C2CD3: variants seen among roughly 807,000 people sequenced by gnomAD.
C2CD3 encodes the protein C2 domain-containing protein 3.
Under a neutral mutation model 234.0 loss-of-function variants are expected in C2CD3, and 148 were observed. That is an observed-to-expected ratio of 0.63 (90% CI 0.55 to 0.72). The LOEUF (loss-of-function observed/expected upper bound fraction) is 0.72. Among genes scored for constraint, C2CD3 ranks in the 30% least tolerant of loss-of-function variants. The pLI is 0.00. For synonymous variants in C2CD3, 1,000 were observed against 1,035.4 expected (o/e 0.97, Z 0.66); for missense variants, 2,577 against 2,811.5 (o/e 0.92, Z 1.89).
chr11:74,165,872 C>T (rs560975915), intron 2 of C2CD3, among the ~76,000 whole-genome samples: 2 of 152,146 alleles, frequency 1.3e-5, no homozygotes, highest in South Asian at 4.1e-4. Flanking sequence ...CATGTGGAAT[C>T]TAATTTTTTT....
At chr11:74,036,435 T>A in intron 30 of C2CD3, 1 of 456,026 alleles carries the variant, frequency 2.2e-6, no homozygotes, top group South Asian at 1.5e-5. Context: ...CAAGTGGAAG[T>A]CAAACACAGA....
intron 7 of C2CD3, among the ~76,000 whole-genome samples, chr11:74,130,479 C>G (rs1208800853): frequency 6.6e-6 from 1 of 152,140 alleles, no homozygotes; most frequent in African/African-American, 2.4e-5. Flanking sequence ...AATGACCCTA[C>G]TGCCTCAGCC....
At chr11:74,104,519 G>C (rs1162345242) in intron 13 of C2CD3, among the ~76,000 whole-genome samples, 1 of 152,028 alleles carries the variant, frequency 6.6e-6, no homozygotes, top group African/African-American at 2.4e-5. Flanking sequence ...TACATGTATG[G>C]GGGGAGGAGA....
chr11:74,145,887 A>G (rs190456503), intron 3 of C2CD3, among the ~76,000 whole-genome samples: 12 of 152,216 alleles, frequency 7.9e-5, no homozygotes, highest in Non-Finnish European at 1.3e-4. Context: ...CCACCTACCT[A>G]TATGTCCTGA....
chr11:74,130,888 T>C (rs1183709357), intron 7 of C2CD3, among the ~76,000 whole-genome samples: 4 of 152,186 alleles, frequency 2.6e-5, no homozygotes, highest in East Asian at 1.9e-4. Context: ...CAGCTGGGAT[T>C]CTGATATTGT....
rs775876824 is a variant in C2CD3 at position 74,085,763 on chromosome 11, A to C, written c.3765T>G (p.Cys1255Trp). 4.3e-6 allele frequency: 7 copies of C among 1,614,206 alleles called. No individual in the cohort carries two copies. In the East Asian group the frequency reaches 1.3e-4, roughly 31 times the overall value. The change falls in exon 21 of 33, where the codon TGT becomes TGG. Residue 1255 changes from cysteine (C) to tryptophan (W), a missense_variant. Cys to Trp is a radical substitution (Grantham distance 215). Transcript: ENST00000334126. The stretch of plus-strand genomic sequence containing the variant: ...GATGGGAGAACTCAGGGCAGAAAGA[A>C]CAGGCCACAGGGTGGGTTCGGCGCT... ...GEQRRTHPVA[C>W]SFCPEFSHHV... is the part of the protein sequence containing the mutation.
chr11:74,161,261 A>G (rs1234093162), intron 3 of C2CD3, 138 bp downstream of exon 3: 2 of 493,206 alleles, frequency 4.1e-6, no homozygotes, highest in African/African-American at 4.0e-5. Flanking sequence ...TCTACTGGGT[A>G]AAAACATGGG....
At chr11:74,081,644 T>A (rs565023323) in intron 22 of C2CD3, among the ~76,000 whole-genome samples, 4 of 152,126 alleles carry the variant, frequency 2.6e-5, no homozygotes, top group African/African-American at 9.7e-5. Flanking sequence ...ATCATCATCA[T>A]CACCACCATC....
At chr11:74,063,301 CA>C (rs1954339442) in intron 24 of C2CD3, among the ~76,000 whole-genome samples, 1 of 152,136 alleles carries the variant, frequency 6.6e-6, no homozygotes, top group Non-Finnish European at 1.5e-5. Flanking sequence ...ATACTGATAC[CA>C]AAGCCTGGCA....
At chr11:74,101,559 A>G (rs1956316738) in intron 14 of C2CD3, among the ~76,000 whole-genome samples, 2 of 152,188 alleles carry the variant, frequency 1.3e-5, no homozygotes, top group East Asian at 1.9e-4. Flanking sequence ...AAAAAAAGTA[A>G]AACTAGAACA....
chr11:74,079,402 T>G (rs1250328697), intron 22 of C2CD3, among the ~76,000 whole-genome samples: 4 of 152,052 alleles, frequency 2.6e-5, no homozygotes, highest in Admixed American at 6.6e-5. Flanking sequence ...TTGTTTGTTT[T>G]TTTTTGTAGA....
At position 74,161,521 on chromosome 11, in the gene C2CD3, G is replaced by C. The variant is rs1476145891; in HGVS notation, c.361C>G (p.Leu121Val). 3 of 1,589,036 alleles carry C rather than the reference G, an allele frequency of 1.9e-6. No homozygotes were observed. The highest frequency in any genetic ancestry group is 2.7e-5 in the African/African-American group (2 of 73,396). The change falls in exon 3 of 33, where the codon CTT becomes GTT. Residue 121 changes from leucine (L) to valine (V), a missense_variant. By Grantham distance (32) the Leu-to-Val change is conservative. Transcript: ENST00000334126. ...ACTCTACCAATTGGAAGACCATCAA[G>C]TTTGGTGATTACTTCCAGCACCAGC... ...AVLVLEVITK[L>V]DGLPIGRVQI...
intron 24 of C2CD3, among the ~76,000 whole-genome samples, chr11:74,070,081 T>G (rs1324173170): frequency 6.6e-6 from 1 of 152,240 alleles, no homozygotes; most frequent in Non-Finnish European, 1.5e-5. Flanking sequence ...GTATAACTTA[T>G]GCTACTTCAA....
intron 2 of C2CD3, among the ~76,000 whole-genome samples, chr11:74,163,193 C>G (rs1169730586): frequency 6.6e-6 from 1 of 152,166 alleles, no homozygotes; most frequent in East Asian, 1.9e-4. Context: ...TGTGTTCTGA[C>G]TGCAATATTC....
chr11:74,161,644 G>C, intron 2 of C2CD3, 88 bp from the exon 3 acceptor site: 1 of 794,942 alleles, frequency 1.3e-6, no homozygotes, highest in Non-Finnish European at 1.9e-6. Context: ...ATGCGGAAAA[G>C]CTTTCTAACT....
intron 32 of C2CD3, among the ~76,000 whole-genome samples, chr11:74,013,741 C>T (rs1591245354): frequency 6.6e-6 from 1 of 152,186 alleles, no homozygotes; most frequent in South Asian, 2.1e-4. Context: ...AAACTACATT[C>T]AGGTGGAATA....
At chr11:74,146,193 G>T (rs1413102554) in intron 3 of C2CD3, among the ~76,000 whole-genome samples, 1 of 152,126 alleles carries the variant, frequency 6.6e-6, no homozygotes, top group Non-Finnish European at 1.5e-5. Context: ...AAGCTTTAGG[G>T]TGTCAAAGTC....
At position 74,034,264 on chromosome 11, in the gene C2CD3, T is replaced by C. The variant is rs959942691; in HGVS notation, c.5896A>G (p.Thr1966Ala). Residue 1966 changes from threonine to alanine, a missense_variant, in exon 31 of 33, where the codon ACC becomes GCC. Physicochemically the swap from Thr to Ala is moderately conservative, Grantham distance 58 (BLOSUM62 0). Coordinates refer to ENST00000334126, the MANE Select transcript of C2CD3 (RefSeq NM_001286577.2). Reference sequence around the variant, plus strand: ...CTCAAAGCTGCTTGCGAATCCCTGGTGATAGTCTGCAGATCTGAACAGCAA... The same window carrying C: ...CTCAAAGCTGCTTGCGAATCCCTGGCGATAGTCTGCAGATCTGAACAGCAA... ...SSLITDLQTI[T>A]RDSQAALSSH... is the part of the protein sequence containing the mutation. The C allele has an allele frequency of 3.3e-6, 5 of 1,535,576 alleles. No homozygotes were observed. The highest frequency in any genetic ancestry group is 1.2e-5 in the South Asian group (1 of 84,012).
intron 29 of C2CD3, among the ~76,000 whole-genome samples, chr11:74,040,281 C>A (rs765127750): frequency 3.9e-5 from 6 of 152,058 alleles, no homozygotes; most frequent in East Asian, 1.9e-4. Flanking sequence ...CCACCCCCCA[C>A]CCCCAACCCC....
Sources: allele counts gnomAD v4.1 joint callset (sites outside exome capture counted in the v4.1 genomes callset), GRCh38; gene constraint gnomAD v4.1.1; transcripts MANE v1.5; gene names NCBI Gene and HGNC (gene_info 2026-07-23, HGNC 2026-07-21).